The following MYO16 variants were observed in gnomAD, a reference collection of about 807,000 sequenced individuals.
MYO16 encodes the protein unconventional myosin-XVI.
A neutral mutation model predicts 205.3 loss-of-function variants in MYO16; 94 were observed. That is an observed-to-expected ratio of 0.46 (90% CI 0.39 to 0.54). The LOEUF is 0.54. MYO16 is among the 20% of genes least tolerant of loss of function. The pLI is 0.00. For synonymous variants in MYO16, 988 were observed against 954.0 expected, an observed-to-expected ratio of 1.04 and a Z score of -0.66; for missense variants, 2,315 against 2,387.5, an observed-to-expected ratio of 0.97 and a Z score of 0.63.
chr13:108,751,659 T>G (rs1885242117), intron 4 of MYO16, among the ~76,000 whole-genome samples: 1 of 152,038 alleles, frequency 6.6e-6, no homozygotes, highest in African/African-American at 2.4e-5. Flanking sequence ...ACTACGTCAG[T>G]CAAGTCTCAA....
chr13:108,659,814 G>A (rs568226020), intron 1 of MYO16, among the ~76,000 whole-genome samples: 1 of 152,234 alleles, frequency 6.6e-6, no homozygotes, highest in East Asian at 1.9e-4. Context: ...AAGTAAGCAG[G>A]GGAAGAAACA....
intron 14 of MYO16, among the ~76,000 whole-genome samples, chr13:108,895,445 T>G (rs1312226407): frequency 6.6e-6 from 1 of 152,214 alleles, no homozygotes; most frequent in Non-Finnish European, 1.5e-5. Context: ...AAAAACTGGT[T>G]ATTGCATAGT....
At chr13:108,803,220 G>A (rs900514372) in intron 6 of MYO16, among the ~76,000 whole-genome samples, 1 of 152,146 alleles carries the variant, frequency 6.6e-6, no homozygotes, top group Non-Finnish European at 1.5e-5. Context: ...GTGGACATTT[G>A]CTCTGTGCTG....
At chr13:108,679,354 C>T (rs1362641017) in intron 2 of MYO16, among the ~76,000 whole-genome samples, 1 of 152,090 alleles carries the variant, frequency 6.6e-6, no homozygotes, top group Non-Finnish European at 1.5e-5. Context: ...TTCTTTATTT[C>T]CTTGATTTTT....
chr13:108,652,362 C>T (rs1178261336), intron 1 of MYO16, among the ~76,000 whole-genome samples: 1 of 152,202 alleles, frequency 6.6e-6, no homozygotes. Context: ...TTTAAAGCCC[C>T]ATAATCTAGC....
intron 7 of MYO16, among the ~76,000 whole-genome samples, chr13:108,809,721 A>C (rs1007885532): frequency 6.6e-6 from 1 of 152,188 alleles, no homozygotes; most frequent in African/African-American, 2.4e-5. Flanking sequence ...GCAATTCAAC[A>C]TGAGATTTGG....
chr13:108,778,719 A>G (rs1359072254), intron 4 of MYO16, among the ~76,000 whole-genome samples: 1 of 152,204 alleles, frequency 6.6e-6, no homozygotes, highest in Non-Finnish European at 1.5e-5. Context: ...GAACTTTCAG[A>G]AAATAATTTG....
rs549266230 is a variant in MYO16 at position 108,943,435 on chromosome 13, G to T, written c.1926-14253G>T. 1.3e-3 allele frequency among the ~76,000 whole-genome samples: 192 copies of T among 152,174 alleles called. 1 individual carries two copies. Among genetic ancestry groups the T allele is most frequent in the Admixed American group, 3.5e-3 (54 of 15,272 alleles). On this transcript the variant is annotated intron_variant, in intron 16 of 34. Coordinates refer to ENST00000457511, the MANE Select transcript of MYO16 (RefSeq NM_001198950.3). ...CATCAACATTTTTAAAATGTCAAAT[G>T]AACCTTGTTTCCTCTTTTTTTTATT... is the stretch of plus-strand genomic sequence containing the variant.
rs1017828422 is a variant in MYO16 at position 108,683,191 on chromosome 13, C to T, written c.292+17042C>T. ...ATTTTATCTGTGGATCTATAATTCACTTATTTATACAATTATGATTCAATT... is the reference window on the plus strand; with the variant it reads ...ATTTTATCTGTGGATCTATAATTCATTTATTTATACAATTATGATTCAATT... On this transcript the variant is annotated intron_variant, in intron 2 of 34. Coordinates refer to ENST00000457511, the MANE Select transcript of MYO16 (RefSeq NM_001198950.3). Among the ~76,000 whole-genome samples the T allele has an allele frequency of 7.9e-5, 12 of 152,260 alleles. No individual in the cohort carries two copies. In the East Asian group the frequency reaches 9.6e-4, roughly 12 times the overall value.
the MYO16 span, among the ~76,000 whole-genome samples, chr13:108,557,763 G>T: frequency 6.6e-6 from 1 of 152,158 alleles, no homozygotes; most frequent in African/African-American, 2.4e-5. Context: ...TAGTTCAAAA[G>T]AAAGAATTGA....
intron 16 of MYO16, among the ~76,000 whole-genome samples, chr13:108,950,842 A>G (rs981085251): frequency 1.3e-5 from 2 of 152,172 alleles, no homozygotes; most frequent in Admixed American, 6.5e-5. Flanking sequence ...GTGTGTTAAC[A>G]CTGGAATACT....
At chr13:108,789,142 T>A (rs1886543293) in intron 5 of MYO16, among the ~76,000 whole-genome samples, 1 of 152,262 alleles carries the variant, frequency 6.6e-6, no homozygotes, top group African/African-American at 2.4e-5. Flanking sequence ...TGAAACAACA[T>A]GTCTCTGTGG....
chr13:108,822,918 A>C (rs992929615), intron 8 of MYO16, among the ~76,000 whole-genome samples: 1 of 152,190 alleles, frequency 6.6e-6, no homozygotes, highest in African/African-American at 2.4e-5. Context: ...TTATAATTAA[A>C]TGTGTCACTG....
In MYO16 at chr13:109,141,371, C is replaced by T. The variant is rs1363751471; in HGVS notation, c.5159C>T (p.Ala1720Val). ...KSAAGRKIREAEGFETNMNIS... is the reference protein window; with the variant it reads ...KSAAGRKIREVEGFETNMNIS... ...GCGGCGGGAAGAAAAATCAGGGAAG[C>T]AGAAGGTAAGCGGAGCAGACATCCC... The change falls in exon 32 of 35, where the codon GCA becomes GTA. Residue 1720 changes from alanine (A) to valine (V), a missense_variant. Coordinates refer to ENST00000457511, the MANE Select transcript of MYO16 (RefSeq NM_001198950.3). This position sits in a 1 kb window ranked among gnomAD's most constrained non-coding sequence, Gnocchi z 4.1. The T allele has an allele frequency of 6.5e-7, 1 of 1,526,806 alleles. No homozygotes were observed. The highest frequency in any genetic ancestry group is 8.8e-7 in the Non-Finnish European group (1 of 1,138,910). 94.6% of individuals were successfully genotyped at this position (1,526,806 alleles called of 1,614,324 possible). A position where few individuals can be genotyped will look rare whatever the true frequency, so the allele number is the denominator to read the frequency against.
chr13:108,885,215 G>A (rs1879811621), intron 13 of MYO16, among the ~76,000 whole-genome samples: 1 of 152,210 alleles, frequency 6.6e-6, no homozygotes, highest in Non-Finnish European at 1.5e-5. Flanking sequence ...TGCCTCCTGG[G>A]TTCAAGTGAT....
intron 16 of MYO16, among the ~76,000 whole-genome samples, chr13:108,947,394 G>T (rs1453512650): frequency 2.0e-5 from 3 of 152,150 alleles, no homozygotes; most frequent in Non-Finnish European, 2.9e-5. Flanking sequence ...GTGTGAGTTA[G>T]AGAAAGTTCT....
intron 28 of MYO16, among the ~76,000 whole-genome samples, chr13:109,102,300 A>G (rs1350980822): frequency 3.3e-5 from 5 of 152,132 alleles, no homozygotes; most frequent in African/African-American, 7.2e-5. Flanking sequence ...ATTCACATAT[A>G]TCAGCATTTA....
the MYO16 span, among the ~76,000 whole-genome samples, chr13:108,523,230 A>G: frequency 6.6e-6 from 1 of 152,200 alleles, no homozygotes; most frequent in South Asian, 2.1e-4. Flanking sequence ...ACCTTGGTCC[A>G]GTGAGCAAGA....
chr13:108,737,466 C>G lies in MYO16; in HGVS notation c.507+9883C>G, dbSNP rs183766834. Among the ~76,000 whole-genome samples, 1,254 of 152,294 alleles carry G rather than the reference C, an allele frequency of 8.2e-3. 17 individuals carry two copies. The highest frequency in any genetic ancestry group is 0.027 in the African/African-American group (1,118 of 41,542). Reference sequence around the variant, plus strand: ...TAATGATTTGTGTATGTTGAATCAGCCTTGCATCCCAGGGATGAAGCCCAC... The same window carrying G: ...TAATGATTTGTGTATGTTGAATCAGGCTTGCATCCCAGGGATGAAGCCCAC... On this transcript the variant is annotated intron_variant, in intron 4 of 34. Transcript: ENST00000457511.
Sources: gnomAD v4.1 joint callset for allele counts (sites outside exome capture counted in the v4.1 genomes callset) on GRCh38, gnomAD v4.1.1 for gene constraint, Gnocchi (gnomAD v3.1) non-coding constraint, MANE v1.5 for transcripts, NCBI Gene and HGNC (gene_info 2026-07-23, HGNC 2026-07-21) for gene names.